Variants in KIAA1328 observed in about 807,000 individuals in gnomAD.
KIAA1328 encodes the protein KIAA1328, also known as protein hinderin.
In KIAA1328, 52 loss-of-function variants were observed where a neutral mutation model predicts 68.1. The ratio of observed to expected loss-of-function variants is 0.76; its 90% CI spans 0.61 to 0.96. The LOEUF (loss-of-function observed/expected upper bound fraction) is 0.96, where lower values mean the gene tolerates loss of function less well. KIAA1328 is among the 40% of genes least tolerant of loss of function. The pLI is 0.00. For missense variants in KIAA1328, 641 were observed against 677.6 expected, an observed-to-expected ratio of 0.95 and a Z score of 0.60; for synonymous variants, 232 against 239.4, an observed-to-expected ratio of 0.97 and a Z score of 0.28.
intron 9 of KIAA1328, among the ~76,000 whole-genome samples, chr18:37,183,302 A>G (rs1170623182): frequency 6.6e-6 from 1 of 152,166 alleles, no homozygotes; most frequent in Non-Finnish European, 1.5e-5. Context: ...AGTGGTTCTA[A>G]AATCTGCTTG....
At chr18:37,090,487 C>G (rs323322) in intron 7 of KIAA1328, among the ~76,000 whole-genome samples, 15,598 of 152,102 alleles carry the variant, frequency 0.1, 2,694 homozygotes, top group African/African-American at 0.35. Flanking sequence ...TCTAACTGTT[C>G]CTGGTGTTAG....
At chr18:36,918,499 G>A (rs578205846) in intron 5 of KIAA1328, among the ~76,000 whole-genome samples, 9 of 146,564 alleles carry the variant, frequency 6.1e-5, no homozygotes, top group East Asian at 2.0e-4. Flanking sequence ...TGCAACCTCC[G>A]CCTCTTGGGT....
At chr18:36,870,980 C>G (rs2047925047) in intron 4 of KIAA1328, among the ~76,000 whole-genome samples, 1 of 152,198 alleles carries the variant, frequency 6.6e-6, no homozygotes, top group South Asian at 2.1e-4. Context: ...AATCGTCTTA[C>G]CCATTTCCAG....
intron 7 of KIAA1328, among the ~76,000 whole-genome samples, chr18:37,076,775 C>CT (rs2056753645): frequency 1.3e-5 from 2 of 151,886 alleles, no homozygotes; most frequent in Admixed American, 6.6e-5. Context: ...CCTCCCAAGA[C>CT]TAAACCAGGA....
intron 5 of KIAA1328, 170 bp downstream of exon 5, chr18:36,885,842 G>A (rs1313616602): frequency 7.6e-6 from 4 of 527,030 alleles, no homozygotes; most frequent in Admixed American, 7.7e-5. Flanking sequence ...TCAGCCTCCC[G>A]AGTAGCTGGG....
At position 37,067,217 on chromosome 18, in the gene KIAA1328, C is replaced by A. The variant is rs745386624; in HGVS notation, c.904C>A (p.Pro302Thr). The change falls in exon 7 of 10, where the codon CCT becomes ACT. Residue 302 changes from proline to threonine, a missense_variant. Coordinates refer to ENST00000280020, the MANE Select transcript of KIAA1328 (RefSeq NM_020776.3). ...GGAATGTCCACATCTTAAGCCTACT[C>A]CTAGTCAATGCTGTGGTCATAGACT... is the stretch of plus-strand genomic sequence containing the variant. ...MKECPHLKPT[P>T]SQCCGHRLAA... The A allele has an allele frequency of 5.0e-6, 8 of 1,613,964 alleles. No individual in the cohort carries two copies. The South Asian group carries it at 8.8e-5, about 18-fold the overall frequency.
intron 7 of KIAA1328, among the ~76,000 whole-genome samples, chr18:37,101,909 C>A (rs531605845): frequency 1.3e-5 from 2 of 152,194 alleles, no homozygotes; most frequent in Non-Finnish European, 2.9e-5. Flanking sequence ...TCATATCCAG[C>A]CAAACTAAGC....
downstream of KIAA1328, among the ~76,000 whole-genome samples, chr18:37,225,597 G>A (rs368101090): frequency 2.6e-5 from 4 of 152,312 alleles, no homozygotes; most frequent in South Asian, 6.2e-4. Flanking sequence ...AGAACATTCA[G>A]TCTCTCTGCA....
chr18:37,149,362 T>C (rs1190580675), intron 7 of KIAA1328, among the ~76,000 whole-genome samples: 1 of 152,114 alleles, frequency 6.6e-6, no homozygotes, highest in Non-Finnish European at 1.5e-5. Context: ...TAGCCTTATG[T>C]AGAAAACTGA....
chr18:37,170,453 G>C (rs1207529549), intron 8 of KIAA1328, among the ~76,000 whole-genome samples: 1 of 152,030 alleles, frequency 6.6e-6, no homozygotes, highest in African/African-American at 2.4e-5. Context: ...TGATTAGCAG[G>C]GTACAAGGAC....
intron 6 of KIAA1328, among the ~76,000 whole-genome samples, chr18:37,037,170 T>TA (rs1213110235): frequency 1.3e-5 from 2 of 152,006 alleles, no homozygotes; most frequent in East Asian, 1.9e-4. Flanking sequence ...GGGATTTGTA[T>TA]AAAAAAATCT....
At chr18:37,146,190 G>C (rs1435154791) in intron 7 of KIAA1328, among the ~76,000 whole-genome samples, 1 of 151,884 alleles carries the variant, frequency 6.6e-6, no homozygotes, top group Non-Finnish European at 1.5e-5. Context: ...TGTCACCCAG[G>C]TACTCAGCCT....
intron 9 of KIAA1328, chr18:37,193,775 TA>T: frequency 1.6e-6 from 1 of 611,800 alleles, no homozygotes; most frequent in East Asian, 2.8e-5. Flanking sequence ...TGCCTTATTT[TA>T]AAAGAACAAA....
At chr18:37,142,419 T>C (rs1057028980) in intron 7 of KIAA1328, among the ~76,000 whole-genome samples, 2 of 152,150 alleles carry the variant, frequency 1.3e-5, no homozygotes, top group Non-Finnish European at 2.9e-5. Flanking sequence ...CTCGAACTCC[T>C]GACCTCAGGT....
intron 9 of KIAA1328, among the ~76,000 whole-genome samples, chr18:37,177,246 G>C (rs1446954176): frequency 1.3e-5 from 2 of 151,862 alleles, no homozygotes; most frequent in Non-Finnish European, 2.9e-5. Context: ...AATGAAGATA[G>C]TATCTTCTGA....
intron 4 of KIAA1328, among the ~76,000 whole-genome samples, chr18:36,871,081 A>C (rs1172403258): frequency 1.3e-5 from 2 of 152,178 alleles, no homozygotes; most frequent in Non-Finnish European, 2.9e-5. Flanking sequence ...GTTGCCCTTC[A>C]ACCTTAGCTC....
rs186779635 is a variant in KIAA1328, at chr18:37,162,229, G to A, written c.1414+1848G>A. Among the ~76,000 whole-genome samples the A allele has an allele frequency of 2.7e-4, 39 of 146,536 alleles. No homozygotes were observed. In the East Asian group the frequency reaches 6.4e-3, roughly 24 times the overall value. ...CATGGTTTTATTTTTTCTTCCATTA[G>A]GTTTTTTTTCCCCTTTTTTTGTGGG... is the stretch of plus-strand genomic sequence containing the variant. On this transcript the variant is annotated intron_variant, in intron 8 of 9. Coordinates refer to ENST00000280020, the MANE Select transcript of KIAA1328 (RefSeq NM_020776.3).
chr18:36,905,906 C>G (rs2049202882), intron 5 of KIAA1328, among the ~76,000 whole-genome samples: 1 of 152,156 alleles, frequency 6.6e-6, no homozygotes, highest in Non-Finnish European at 1.5e-5. Flanking sequence ...TCTGTAACTT[C>G]TCATTCAGTG....
chr18:37,082,877 C>T lies in KIAA1328; in HGVS notation c.1232+15332C>T, dbSNP rs144010142. Among the ~76,000 whole-genome samples the T allele has an allele frequency of 5.2e-3, 795 of 152,250 alleles. 2 individuals carry two copies. Among genetic ancestry groups the T allele is most frequent in the Non-Finnish European group, 8.6e-3 (585 of 68,014 alleles). ...TAGTGTATGTATAATGAATAAAAATCAAGGCTAATGATAAATATTTACCTT... is the reference window on the plus strand; with the variant it reads ...TAGTGTATGTATAATGAATAAAAATTAAGGCTAATGATAAATATTTACCTT... On this transcript the variant is annotated intron_variant, in intron 7 of 9. Transcript: ENST00000280020.
Sources: allele counts gnomAD v4.1 joint callset (sites outside exome capture counted in the v4.1 genomes callset), GRCh38; gene constraint gnomAD v4.1.1; transcripts MANE v1.5; gene names NCBI Gene and HGNC (gene_info 2026-07-23, HGNC 2026-07-21).